The following UNKL variants were observed in gnomAD, a reference collection of about 807,000 sequenced individuals.
UNKL encodes unk like zinc finger, also known as putative E3 ubiquitin-protein ligase UNKL.
UNKL carries 60 observed loss-of-function variants against 78.0 expected under a neutral mutation model. The ratio of observed to expected loss-of-function variants is 0.77; its 90% CI spans 0.63 to 0.95. The LOEUF is 0.95. Ranked by LOEUF, UNKL falls within the 40% of genes least tolerant of loss-of-function variation. The probability of loss-of-function intolerance (pLI) is 0.00; values close to 1 mark genes in which losing one functional copy is unlikely to be tolerated. For synonymous variants in UNKL, 608 were observed against 474.8 expected (o/e 1.28, Z -3.65); for missense variants, 1,159 against 1,045.7 (o/e 1.11, Z -1.49).
intron 2 of UNKL, among the ~76,000 whole-genome samples, chr16:1,409,213 A>G (rs1243239408): frequency 6.6e-6 from 1 of 152,208 alleles, no homozygotes; most frequent in Non-Finnish European, 1.5e-5. Context: ...CGCCCAGCCA[A>G]AATAGAAATT....
chr16:1,375,304 G>A (rs924809196), intron 10 of UNKL, among the ~76,000 whole-genome samples: 6 of 152,304 alleles, frequency 3.9e-5, no homozygotes, highest in Admixed American at 1.3e-4. Flanking sequence ...CACCCAGAGC[G>A]GCAGGCGGGA....
intron 9 of UNKL, among the ~76,000 whole-genome samples, chr16:1,388,173 G>C (rs1000682478): frequency 6.6e-6 from 1 of 152,126 alleles, no homozygotes; most frequent in Non-Finnish European, 1.5e-5. Context: ...CCCCGCCCTG[G>C]GTCGGACAGG....
intron 12 of UNKL, 90 bp downstream of exon 12, chr16:1,370,040 C>T (rs761076927): frequency 3.4e-5 from 52 of 1,550,868 alleles, no homozygotes; most frequent in Middle Eastern, 1.7e-4. Context: ...CACAAGGTTC[C>T]GTGTGAGGCC....
chr16:1,390,489 T>C lies in UNKL; in HGVS notation c.1086+143A>G, dbSNP rs573939400. On this transcript the variant is annotated intron_variant, in intron 9 of 14. Transcript: ENST00000389221. ...CTACAACAAGCGGACGTCAACCAGATGGCTTTGCGAGCCGAGAGTGGGCGG... is the reference window on the plus strand; with the variant it reads ...CTACAACAAGCGGACGTCAACCAGACGGCTTTGCGAGCCGAGAGTGGGCGG... 2.8e-5 allele frequency: 22 copies of C among 791,456 alleles called. No homozygotes were observed. The African/African-American group carries it at 3.3e-4, about 12-fold the overall frequency. 49.0% of individuals were successfully genotyped at this position (791,456 alleles called of 1,614,324 possible).
At position 1,403,148 on chromosome 16, in the gene UNKL, A is replaced by G; in HGVS notation, c.464+20T>C. Reference sequence around the variant, plus strand: ...ACAGCAGCAGGCAGGCCAAGTGCCCACTCGTGGATGCCCACTCACCTGACG... The same window carrying G: ...ACAGCAGCAGGCAGGCCAAGTGCCCGCTCGTGGATGCCCACTCACCTGACG... On this transcript the variant is annotated intron_variant, in intron 3 of 14. Coordinates refer to ENST00000389221, the MANE Select transcript of UNKL (RefSeq NM_001372107.1). This position sits in a 1 kb window ranked among gnomAD's most constrained non-coding sequence, Gnocchi z 4.8. 2 of 1,598,532 alleles carry G rather than the reference A, an allele frequency of 1.3e-6. No homozygotes were observed. The highest frequency in any genetic ancestry group is 1.7e-6 in the Non-Finnish European group (2 of 1,171,750).
Position 1,387,262 on chromosome 16 carries a change from C to G in UNKL, c.1087-1877G>C, listed in dbSNP as rs558901044. On this transcript the variant is annotated intron_variant, in intron 9 of 14. Transcript: ENST00000389221. This position sits in a 1 kb window ranked among gnomAD's most constrained non-coding sequence, Gnocchi z 4.1. ...GCCATGCATGGTGCTGCCAATACCC[C>G]CTATCAATCCCCCATGGTGAGCCTG... Among the ~76,000 whole-genome samples the G allele has an allele frequency of 6.6e-6, 1 of 152,214 alleles. No homozygotes were observed. The highest frequency in any genetic ancestry group is 1.5e-5 in the Non-Finnish European group (1 of 68,034).
chr16:1,367,479 T>G, intron 13 of UNKL, 130 bp from the exon 14 acceptor site: 3 of 1,048,502 alleles, frequency 2.9e-6, no homozygotes, highest in Non-Finnish European at 3.7e-6. Flanking sequence ...CTGAGACCCC[T>G]GCGGCCCTCC....
At chr16:1,375,469 G>A (rs961016692) in intron 10 of UNKL, among the ~76,000 whole-genome samples, 4 of 152,178 alleles carry the variant, frequency 2.6e-5, no homozygotes, top group African/African-American at 4.8e-5. Flanking sequence ...GGGCTGTGGC[G>A]CCACCTGGCA....
At chr16:1,407,353 A>T (rs1264982680) in intron 2 of UNKL, 1 of 152,180 alleles carries the variant, frequency 6.6e-6, no homozygotes, top group Non-Finnish European at 1.5e-5. Flanking sequence ...AGGCCTGGGG[A>T]GGCGCACAGG....
chr16:1,401,523 G>GGGCGGCCCCC, intron 4 of UNKL, 45 bp downstream of exon 4: 1 of 1,470,322 alleles, frequency 6.8e-7, no homozygotes, highest in African/African-American at 1.5e-5. Flanking sequence ...CTCGCGCTGT[G>GGGCGGCCCCC]CCCGCCCCCC....
At chr16:1,401,768 T>G (rs980286315) in intron 3 of UNKL, 67 bp from the exon 4 acceptor site, 16 of 1,541,278 alleles carry the variant, frequency 1.0e-5, no homozygotes, top group African/African-American at 1.4e-5. Context: ...ACGAGGTCAC[T>G]GGAGGGCACG....
intron 12 of UNKL, 22 bp from the exon 13 acceptor site, chr16:1,367,880 A>ACGGCC (rs2035440414): frequency 6.5e-7 from 1 of 1,540,010 alleles, no homozygotes. Context: ...ACGGTCGATG[A>ACGGCC]CGGCCCAGCC....
intron 10 of UNKL, chr16:1,379,402 G>T (rs1221244152): frequency 2.2e-6 from 2 of 902,534 alleles, no homozygotes; most frequent in Non-Finnish European, 1.3e-6. Context: ...CCGAGCCCGC[G>T]CTGGGAAGCG....
chr16:1,372,855 C>CCGCACAGAGACCTCAGCAGCG, intron 10 of UNKL, among the ~76,000 whole-genome samples: 1 of 142,720 alleles, frequency 7.0e-6, no homozygotes, highest in Non-Finnish European at 1.6e-5. Context: ...CCGGCCTACA[C>CCGCACAGAGACCTCAGCAGCG]TGCACAGAGA....
chr16:1,396,427 C>T (rs562305692), intron 6 of UNKL, among the ~76,000 whole-genome samples: 3 of 148,912 alleles, frequency 2.0e-5, no homozygotes, highest in East Asian at 2.0e-4. Flanking sequence ...GCTAGGACTA[C>T]AGGCGCGCAC....
Position 1,390,667 on chromosome 16 carries a change from C to A in UNKL, c.1051G>T (p.Gly351Cys). ...NAKRRDSPAEGGPRGSEQDSK... is the reference protein window; with the variant it reads ...NAKRRDSPAECGPRGSEQDSK... ...TCTTGCTCGCTGCCCCTAGGGCCAC[C>A]CTCGGCCGGCGAGTCTCTCCGCTTG... Residue 351 changes from glycine (G) to cysteine (C), a missense_variant, in exon 9 of 15, where the codon GGT (glycine) becomes TGT (cysteine). Physicochemically the swap from Gly to Cys is radical, Grantham distance 159. Coordinates refer to ENST00000389221, the MANE Select transcript of UNKL (RefSeq NM_001372107.1). The A allele has an allele frequency of 6.5e-7, 1 of 1,536,086 alleles. No homozygotes were observed. The highest frequency in any genetic ancestry group is 8.7e-7 in the Non-Finnish European group (1 of 1,146,894).
intron 2 of UNKL, among the ~76,000 whole-genome samples, chr16:1,411,107 C>G (rs1011741171): frequency 2.0e-5 from 3 of 151,990 alleles, no homozygotes; most frequent in African/African-American, 7.2e-5. Context: ...TCCTAGCACT[C>G]TGGGAGGCTG....
chr16:1,388,972 C>T (rs8048774), intron 9 of UNKL, among the ~76,000 whole-genome samples: 2,450 of 152,286 alleles, frequency 0.016, 24 homozygotes, highest in Non-Finnish European at 0.021. Context: ...CCATCCACAC[C>T]GCTGTGCAGC....
rs112303765 is a variant in UNKL, at chr16:1,377,882, C to A, written c.1265-6271G>T. ...TCATGGGCTGCTCGCTCAACCCACA[C>A]CCCCTGAGGCCCATGCCCAGCCTGC... On this transcript the variant is annotated intron_variant, in intron 10 of 14. Coordinates refer to ENST00000389221, the MANE Select transcript of UNKL (RefSeq NM_001372107.1). Among the ~76,000 whole-genome samples, 924 of 152,150 alleles carry A rather than the reference C, an allele frequency of 6.1e-3. 15 individuals are homozygous for A. The highest frequency in any genetic ancestry group is 0.022 in the African/African-American group (899 of 41,502).
Sources: allele counts gnomAD v4.1 joint callset (sites outside exome capture counted in the v4.1 genomes callset), GRCh38; gene constraint gnomAD v4.1.1; non-coding constraint Gnocchi (gnomAD v3.1); transcripts MANE v1.5; gene names NCBI Gene and HGNC (gene_info 2026-07-23, HGNC 2026-07-21).